The following ARL15 variants were observed in gnomAD, a reference collection of about 807,000 sequenced individuals.
The protein encoded by ARL15 is ADP-ribosylation factor-like protein 15.
A neutral mutation model predicts 25.2 loss-of-function variants in ARL15; 19 were observed. The observed-to-expected ratio is 0.75, with a 90% CI of 0.53 to 1.10. The LOEUF (loss-of-function observed/expected upper bound fraction) is 1.10, where lower values mean the gene tolerates loss of function less well. ARL15 is among the 50% of genes least tolerant of loss of function. The probability of loss-of-function intolerance (pLI) is 0.00; values close to 1 mark genes in which losing one functional copy is unlikely to be tolerated. For missense variants in ARL15, 220 were observed against 246.0 expected (o/e 0.89, Z 0.71); for synonymous variants, 94 against 86.8 (o/e 1.08, Z -0.46).
chr5:53,887,789 A>G (rs979176350), intron 4 of ARL15, among the ~76,000 whole-genome samples: 1 of 152,198 alleles, frequency 6.6e-6, no homozygotes, highest in Admixed American at 6.5e-5. Flanking sequence ...ACCTTAGTCA[A>G]TACTTGACCT....
intron 1 of ARL15, among the ~76,000 whole-genome samples, chr5:54,176,522 G>A (rs1295354529): frequency 6.6e-6 from 1 of 152,176 alleles, no homozygotes; most frequent in African/African-American, 2.4e-5. Flanking sequence ...TTCATTGTGT[G>A]TGTCTCCTAC....
At chr5:53,960,208 T>G (rs1747315802) in intron 4 of ARL15, among the ~76,000 whole-genome samples, 2 of 152,210 alleles carry the variant, frequency 1.3e-5, no homozygotes, top group South Asian at 4.1e-4. Flanking sequence ...TCTCATTATC[T>G]CACAAGCTGA....
In ARL15 at chr5:54,307,076, GT is replaced by G. The variant is rs568389114; in HGVS notation, c.48+3355del. On this transcript the variant is annotated intron_variant, in intron 1 of 4. Transcript: ENST00000504924. ...CTGCCTGTTGGGACAGCAGCTAAAT[GT>G]TTACCCAGAGACTTGGCAGATGTAA... 7.4e-3 allele frequency among the ~76,000 whole-genome samples: 1,121 copies of G among 152,296 alleles called. 10 individuals are homozygous for G. Among genetic ancestry groups the G allele is most frequent in the Non-Finnish European group, 0.012 (835 of 68,028 alleles).
At chr5:54,128,986 G>GGGCCACGGCGCCT in intron 3 of ARL15, among the ~76,000 whole-genome samples, 1 of 152,188 alleles carries the variant, frequency 6.6e-6, no homozygotes, top group South Asian at 2.1e-4. Context: ...TTACAGGCAT[G>GGGCCACGGCGCCT]GGCCACGGCG....
chr5:54,082,955 G>A (rs1041845976), intron 4 of ARL15, among the ~76,000 whole-genome samples: 1 of 152,080 alleles, frequency 6.6e-6, no homozygotes, highest in Non-Finnish European at 1.5e-5. Flanking sequence ...GGCTACCTTT[G>A]TTGAAAATAT....
At chr5:54,161,011 T>C (rs1019052017) in intron 2 of ARL15, among the ~76,000 whole-genome samples, 5 of 152,124 alleles carry the variant, frequency 3.3e-5, no homozygotes, top group Non-Finnish European at 7.4e-5. Context: ...CTGTTATTCT[T>C]ATAGTTTTTC....
At chr5:53,977,217 C>T (rs558832760) in intron 4 of ARL15, among the ~76,000 whole-genome samples, 5 of 151,906 alleles carry the variant, frequency 3.3e-5, no homozygotes, top group African/African-American at 1.2e-4. Flanking sequence ...ATTAGCCGGG[C>T]GTGGTGGCGG....
intron 1 of ARL15, among the ~76,000 whole-genome samples, chr5:54,265,332 TACTG>T (rs1244720813): frequency 6.6e-6 from 1 of 152,238 alleles, no homozygotes; most frequent in African/African-American, 2.4e-5. Context: ...TTTAGAAAGT[TACTG>T]ACTTTAAAAG....
At chr5:53,981,421 C>T (rs1266533612) in intron 4 of ARL15, among the ~76,000 whole-genome samples, 1 of 152,132 alleles carries the variant, frequency 6.6e-6, no homozygotes, top group Non-Finnish European at 1.5e-5. Flanking sequence ...AGAGTGGAAA[C>T]TCTAGTGCCT....
intron 1 of ARL15, among the ~76,000 whole-genome samples, chr5:54,181,099 T>A (rs531198639): frequency 1.1e-4 from 16 of 152,258 alleles, no homozygotes; most frequent in African/African-American, 3.1e-4. Context: ...AAGAAATGAA[T>A]TCAAGATTCT....
At chr5:54,178,822 C>T (rs1364835243) in intron 1 of ARL15, among the ~76,000 whole-genome samples, 2 of 152,114 alleles carry the variant, frequency 1.3e-5, no homozygotes, top group African/African-American at 4.8e-5. Flanking sequence ...TCAGTTATGG[C>T]TCTGTCTTTT....
intron 1 of ARL15, among the ~76,000 whole-genome samples, chr5:54,283,424 A>G (rs886684087): frequency 1.4e-5 from 2 of 139,004 alleles, no homozygotes; most frequent in Non-Finnish European, 3.1e-5. Flanking sequence ...CTTAAACTCA[A>G]TCTAAACTTT....
intron 4 of ARL15, among the ~76,000 whole-genome samples, chr5:54,034,082 G>A (rs561876504): frequency 6.6e-6 from 1 of 152,278 alleles, no homozygotes; most frequent in Non-Finnish European, 1.5e-5. Context: ...CAAAGTGCTG[G>A]GATTACAGGC....
At chr5:54,145,299 T>C (rs1235540650) in intron 3 of ARL15, among the ~76,000 whole-genome samples, 2 of 152,148 alleles carry the variant, frequency 1.3e-5, no homozygotes, top group African/African-American at 4.8e-5. Flanking sequence ...AATTTCAAGA[T>C]TAAAATAATC....
intron 4 of ARL15, among the ~76,000 whole-genome samples, chr5:53,899,564 A>G (rs1308189522): frequency 6.6e-6 from 1 of 151,942 alleles, no homozygotes; most frequent in African/African-American, 2.4e-5. Flanking sequence ...AAGGATGAAC[A>G]AACATTTAAT....
intron 4 of ARL15, 26 bp from the exon 5 acceptor site, chr5:53,886,739 T>C (rs1245793505): frequency 2.0e-6 from 3 of 1,519,960 alleles, no homozygotes; most frequent in African/African-American, 2.8e-5. Context: ...TAAAGATAAA[T>C]AGGTTATTAA....
intron 3 of ARL15, among the ~76,000 whole-genome samples, chr5:54,126,958 T>A (rs1753274063): frequency 1.3e-5 from 2 of 152,156 alleles, no homozygotes; most frequent in Non-Finnish European, 2.9e-5. Flanking sequence ...CATTAACTCA[T>A]CATTTAGCAT....
At chr5:54,084,435 AAAAG>A (rs1432300645) in intron 4 of ARL15, among the ~76,000 whole-genome samples, 2 of 151,720 alleles carry the variant, frequency 1.3e-5, no homozygotes, top group African/African-American at 4.8e-5. Context: ...AAAAAAAAAA[AAAAG>A]AGAGACTGTA....
intron 1 of ARL15, among the ~76,000 whole-genome samples, chr5:54,190,775 A>G (rs542909746): frequency 1.3e-5 from 2 of 152,322 alleles, no homozygotes; most frequent in African/African-American, 2.4e-5. Flanking sequence ...CATTCAAACC[A>G]TAACAGCTAC....
Sources: gnomAD v4.1 joint callset for allele counts (sites outside exome capture counted in the v4.1 genomes callset) on GRCh38, gnomAD v4.1.1 for gene constraint, MANE v1.5 for transcripts, NCBI Gene and HGNC (gene_info 2026-07-23, HGNC 2026-07-21) for gene names.